The following SNAPC3 variants were observed in gnomAD, a reference collection of about 807,000 sequenced individuals.
SNAPC3 encodes the protein snRNA-activating protein complex subunit 3.
SNAPC3 carries 56 observed loss-of-function variants against 47.7 expected under a neutral mutation model. That is an observed-to-expected ratio of 1.18 (90% CI 0.95 to 1.47). SNAPC3 has a LOEUF of 1.47. SNAPC3 is among the 40% of genes most tolerant of loss of function. The probability of loss-of-function intolerance (pLI) is 0.00; values close to 1 mark genes in which losing one functional copy is unlikely to be tolerated. For synonymous variants in SNAPC3, 235 were observed against 189.9 expected (o/e 1.24, Z -1.95); for missense variants, 665 against 511.3 (o/e 1.30, Z -2.90).
At position 15,423,131 on chromosome 9, in the gene SNAPC3, C is replaced by A. The variant is rs764821726; in HGVS notation, c.252C>A (p.Ala84=). The A allele has an allele frequency of 1.9e-5, 29 of 1,556,256 alleles. No individual in the cohort carries two copies. In the South Asian group the frequency reaches 3.2e-4, roughly 17 times the overall value. The change falls in exon 1 of 9, where the codon GCC becomes GCA. Residue 84 remains alanine, a synonymous_variant. Coordinates refer to ENST00000380821, the MANE Select transcript of SNAPC3 (RefSeq NM_001039697.2). ...SQAADSDRED[A]AVARDLDCSL... ...CAGCTGACTCCGACCGGGAGGATGCCGCGGTGGCCAGGGATCTGGACTGCA... is the reference window on the plus strand; with the variant it reads ...CAGCTGACTCCGACCGGGAGGATGCAGCGGTGGCCAGGGATCTGGACTGCA...
At chr9:15,442,363 C>T (rs1025492028) in intron 3 of SNAPC3, among the ~76,000 whole-genome samples, 5 of 151,802 alleles carry the variant, frequency 3.3e-5, no homozygotes, top group African/African-American at 1.2e-4. Context: ...AGACGCTCCT[C>T]ACCTCCCAGA....
chr9:15,447,866 G>A (rs1298298683), intron 5 of SNAPC3, among the ~76,000 whole-genome samples: 1 of 152,174 alleles, frequency 6.6e-6, no homozygotes, highest in East Asian at 1.9e-4. Context: ...TTTCCCCAAT[G>A]TGTTGCTCTC....
chr9:15,441,668 C>G (rs2033394918), intron 3 of SNAPC3, among the ~76,000 whole-genome samples: 1 of 152,038 alleles, frequency 6.6e-6, no homozygotes, highest in Non-Finnish European at 1.5e-5. Flanking sequence ...TCCATTTAAC[C>G]TTGAGTGGAG....
intron 5 of SNAPC3, among the ~76,000 whole-genome samples, chr9:15,451,004 T>C (rs990586816): frequency 7.9e-5 from 12 of 152,214 alleles, no homozygotes; most frequent in Admixed American, 7.2e-4. Flanking sequence ...TTGTTACTAC[T>C]GGGGAAACAT....
chr9:15,452,375 A>G lies in SNAPC3; in HGVS notation c.816-666A>G, dbSNP rs147123050. Among the ~76,000 whole-genome samples the G allele has an allele frequency of 3.4e-4, 51 of 149,834 alleles. No individual in the cohort carries two copies. The East Asian group carries it at 7.8e-3, about 23-fold the overall frequency. ...CTCTTGTTGCCCAGGCTGGAGTGCA[A>G]TGGCGCGATTTCGGCTCACCACAGC... On this transcript the variant is annotated intron_variant, in intron 6 of 8. Transcript: ENST00000380821.
At chr9:15,447,783 A>C (rs1483382387) in intron 5 of SNAPC3, among the ~76,000 whole-genome samples, 1 of 152,152 alleles carries the variant, frequency 6.6e-6, no homozygotes, top group East Asian at 1.9e-4. Flanking sequence ...GTTAGCACCC[A>C]TTCTTCACCT....
At chr9:15,455,514 C>G (rs1366634527) in intron 7 of SNAPC3, among the ~76,000 whole-genome samples, 1 of 152,048 alleles carries the variant, frequency 6.6e-6, no homozygotes, top group African/African-American at 2.4e-5. Context: ...TTGCAATGAG[C>G]CAAGATCGTG....
chr9:15,464,877 A>ATAGTT (rs1473067410), downstream of SNAPC3: 17 of 211,132 alleles, frequency 8.1e-5, no homozygotes, highest in Non-Finnish European at 1.1e-4. Context: ...TTAATGTTTT[A>ATAGTT]TAGTTTGTAG....
In SNAPC3 at chr9:15,457,972, T is replaced by C. The variant is rs1412260825; in HGVS notation, c.993T>C (p.His331=). The change falls in exon 8 of 9, where the codon CAT becomes CAC. Residue 331 remains histidine (H), a synonymous_variant. Transcript: ENST00000380821. ...CCACGAACAAAAGGCTTGTGCATCATGATGACTGCTTGGATAGGACATTGT... is the reference window on the plus strand; with the variant it reads ...CCACGAACAAAAGGCTTGTGCATCACGATGACTGCTTGGATAGGACATTGT... ...IVITDIRLVH[H]DDCLDRTLYP... 1 of 1,580,424 alleles carries C rather than the reference T, an allele frequency of 6.3e-7. No homozygotes were observed. Among genetic ancestry groups the C allele is most frequent in the Non-Finnish European group, 8.6e-7 (1 of 1,166,932 alleles).
chr9:15,426,907 C>T (rs931025291), intron 2 of SNAPC3, among the ~76,000 whole-genome samples: 1 of 152,106 alleles, frequency 6.6e-6, no homozygotes, highest in African/African-American at 2.4e-5. Flanking sequence ...CCATTGTTAA[C>T]CTTAATGGTC....
chr9:15,456,000 G>GAGT lies in SNAPC3; in HGVS notation c.981-1957_981-1955dup, dbSNP rs759466473. 4.0e-5 allele frequency among the ~76,000 whole-genome samples: 6 copies of GAGT among 151,794 alleles called. No homozygotes were observed. In the East Asian group the frequency reaches 9.7e-4, roughly 24 times the overall value. ...GGCAATTCTTCTGCCTCAGCCTCCC[G>GAGT]AGTAGCTGGGATTACAGGCATGCGC... On this transcript the variant is annotated intron_variant, in intron 7 of 8. Coordinates refer to ENST00000380821, the MANE Select transcript of SNAPC3 (RefSeq NM_001039697.2).
chr9:15,463,814 C>A (rs1443719340), downstream of SNAPC3: 2 of 152,198 alleles, frequency 1.3e-5, no homozygotes, highest in Non-Finnish European at 2.9e-5. Flanking sequence ...TGCTCTATCT[C>A]TAGAATTGGA....
intron 6 of SNAPC3, among the ~76,000 whole-genome samples, chr9:15,451,936 A>C (rs2034417744): frequency 6.6e-6 from 1 of 150,408 alleles, no homozygotes; most frequent in Non-Finnish European, 1.5e-5. Flanking sequence ...TAACAATTAC[A>C]GTATACAAGT....
intron 4 of SNAPC3, among the ~76,000 whole-genome samples, chr9:15,445,536 C>G (rs1454937007): frequency 1.3e-5 from 2 of 150,852 alleles, no homozygotes; most frequent in Non-Finnish European, 3.0e-5. Context: ...ATAGATGTGT[C>G]ATAAATTCTG....
chr9:15,454,888 C>A (rs7870741), intron 7 of SNAPC3, among the ~76,000 whole-genome samples: 1 of 152,034 alleles, frequency 6.6e-6, no homozygotes, highest in African/African-American at 2.4e-5. Context: ...GAGCTGAGAT[C>A]GTGCCACTGC....
chr9:15,438,754 T>A (rs2033055485), intron 3 of SNAPC3, among the ~76,000 whole-genome samples: 1 of 152,200 alleles, frequency 6.6e-6, no homozygotes, highest in African/African-American at 2.4e-5. Flanking sequence ...TAATTTTTTT[T>A]AATTTAAGAT....
intron 7 of SNAPC3, among the ~76,000 whole-genome samples, chr9:15,457,142 T>A (rs546713571): frequency 3.9e-5 from 6 of 152,300 alleles, no homozygotes; most frequent in Admixed American, 3.9e-4. Flanking sequence ...ATAATTCTGA[T>A]ACTTAAAACT....
intron 2 of SNAPC3, 121 bp from the exon 3 acceptor site, chr9:15,433,431 T>G (rs2032413223): frequency 1.4e-6 from 1 of 702,896 alleles, no homozygotes; most frequent in Non-Finnish European, 2.5e-6. Flanking sequence ...GGGAACTTTT[T>G]CCTGCTTTTG....
chr9:15,462,422 T>C (rs1009214976), downstream of SNAPC3: 8 of 152,230 alleles, frequency 5.3e-5, no homozygotes, highest in East Asian at 1.9e-4. Flanking sequence ...AATTCCTAAC[T>C]TTGTATATTT....
Sources: gnomAD v4.1 joint callset for allele counts (sites outside exome capture counted in the v4.1 genomes callset) on GRCh38, gnomAD v4.1.1 for gene constraint, MANE v1.5 for transcripts, NCBI Gene and HGNC (gene_info 2026-07-23, HGNC 2026-07-21) for gene names.